Variants in RARB observed in about 807,000 individuals in gnomAD.
RARB encodes the protein retinoic acid receptor beta.
A neutral mutation model predicts 51.9 loss-of-function variants in RARB; 17 were observed. That is an observed-to-expected ratio of 0.33 (90% CI 0.22 to 0.49). RARB has a LOEUF of 0.49. RARB is among the 20% of genes least tolerant of loss of function. RARB has a pLI of 0.99. For synonymous variants in RARB, 215 were observed against 195.4 expected, an observed-to-expected ratio of 1.10 and a Z score of -0.84; for missense variants, 369 against 550.8, an observed-to-expected ratio of 0.67 and a Z score of 3.30.
intron 5 of RARB, among the ~76,000 whole-genome samples, chr3:25,421,252 C>T (rs77188631): frequency 0.045 from 6,899 of 152,028 alleles, 503 homozygotes; most frequent in African/African-American, 0.16. Context: ...CCTACCCCCT[C>T]CACCTGCAGC....
At chr3:25,213,800 A>G (rs1701754839) in intron 5 of RARB, among the ~76,000 whole-genome samples, 1 of 152,204 alleles carries the variant, frequency 6.6e-6, no homozygotes, top group Admixed American at 6.5e-5. Flanking sequence ...CCTATTTAAA[A>G]TGGCAAGGGA....
At chr3:24,925,963 C>T (rs546468265) in intron 2 of RARB, among the ~76,000 whole-genome samples, 23 of 152,188 alleles carry the variant, frequency 1.5e-4, no homozygotes, top group Admixed American at 9.8e-4. Flanking sequence ...TGTCTGCTAT[C>T]TCAAGGAACG....
intron 3 of RARB, among the ~76,000 whole-genome samples, chr3:25,077,707 A>T (rs1698898634): frequency 6.6e-6 from 1 of 151,758 alleles, no homozygotes; most frequent in African/African-American, 2.4e-5. Flanking sequence ...TGGATCACAG[A>T]GTGTGTGTGT....
In RARB at chr3:25,246,916, C is replaced by T. The variant is rs528662702; in HGVS notation, c.178+72341C>T. Among the ~76,000 whole-genome samples, 7 of 152,302 alleles carry T rather than the reference C, an allele frequency of 4.6e-5. 1 individual carries two copies. Among genetic ancestry groups the T allele is most frequent in the African/African-American group, 1.7e-4 (7 of 41,574 alleles). On this transcript the variant is annotated intron_variant, in intron 5 of 11. Coordinates refer to the RARB transcript ENST00000383772. ...AACGTTTAAGTCTGCTGGAGCTGCA[C>T]CCACAGCTGCCCCTTCCCTCAGGTG... is the stretch of plus-strand genomic sequence containing the variant.
rs190992276 is a variant in RARB at position 24,958,898 on chromosome 3, A to G, written c.-380+100146A>G. On this transcript the variant is annotated intron_variant, in intron 2 of 11. Coordinates refer to the RARB transcript ENST00000383772. ...CTGACTCCTTCATGGGCCTCATGACAGGAGTGCCTTGCTTACTCAGCCCGC... is the reference window on the plus strand; with the variant it reads ...CTGACTCCTTCATGGGCCTCATGACGGGAGTGCCTTGCTTACTCAGCCCGC... 3.7e-4 allele frequency among the ~76,000 whole-genome samples: 57 copies of G among 152,322 alleles called. No individual in the cohort carries two copies. In the East Asian group the frequency reaches 0.011, roughly 28 times the overall value.
At chr3:25,366,555 A>G (rs1303852752) in intron 5 of RARB, among the ~76,000 whole-genome samples, 1 of 152,230 alleles carries the variant, frequency 6.6e-6, no homozygotes, top group Non-Finnish European at 1.5e-5. Flanking sequence ...AACTTTGAAA[A>G]TGAGAGTTGG....
At chr3:25,156,197 A>C (rs999355677) in intron 4 of RARB, among the ~76,000 whole-genome samples, 14 of 152,232 alleles carry the variant, frequency 9.2e-5, no homozygotes, top group Non-Finnish European at 1.8e-4. Context: ...TAACTTTAGC[A>C]GGAATGAATG....
intron 5 of RARB, among the ~76,000 whole-genome samples, chr3:25,269,121 C>T (rs113465752): frequency 1.8e-4 from 28 of 152,084 alleles, no homozygotes; most frequent in African/African-American, 6.5e-4. Flanking sequence ...TGGCATGGTA[C>T]AGTAGAATAT....
chr3:25,430,783 G>A lies in RARB; in HGVS notation c.157+1895G>A, dbSNP rs1381205738. On this transcript the variant is annotated intron_variant, in intron 1 of 7. Transcript: ENST00000330688. The stretch of plus-strand genomic sequence containing the variant: ...ACAAAGGGATTTCAGAAATTCCAGT[G>A]TCTTATTTTTGTAAGCAGGGCAATT... Among the ~76,000 whole-genome samples the A allele has an allele frequency of 6.6e-6, 1 of 152,134 alleles. No individual in the cohort carries two copies. Among genetic ancestry groups the A allele is most frequent in the Non-Finnish European group, 1.5e-5 (1 of 68,014 alleles).
intron 3 of RARB, among the ~76,000 whole-genome samples, chr3:25,566,204 T>C (rs939742976): frequency 4.6e-5 from 7 of 152,152 alleles, no homozygotes; most frequent in Non-Finnish European, 8.8e-5. Context: ...TTAAAACCAT[T>C]GAGGGAAGCA....
At chr3:25,197,959 G>T (rs1373174172) in intron 5 of RARB, among the ~76,000 whole-genome samples, 2 of 151,922 alleles carry the variant, frequency 1.3e-5, no homozygotes, top group African/African-American at 4.8e-5. Context: ...GACCACAAAA[G>T]ACCCAGAATA....
In RARB at chr3:24,946,335, T is replaced by A. The variant is rs898590069; in HGVS notation, c.-380+87583T>A. Among the ~76,000 whole-genome samples, 38 of 106,836 alleles carry A rather than the reference T, an allele frequency of 3.6e-4. 1 individual carries two copies. Among genetic ancestry groups the A allele is most frequent in the Admixed American group, 2.3e-3 (28 of 11,988 alleles). 70.1% of individuals were successfully genotyped at this position (106,836 alleles called of 152,430 possible). A position where few individuals can be genotyped will look rare whatever the true frequency, so the allele number is the denominator to read the frequency against. On this transcript the variant is annotated intron_variant, in intron 2 of 11. Transcript: ENST00000383772. ...GGACAAATACAGTATTTTTCCAGAGTTGAGTTAATTTTTTTGAAACCCGAG... is the reference window on the plus strand; with the variant it reads ...GGACAAATACAGTATTTTTCCAGAGATGAGTTAATTTTTTTGAAACCCGAG...
At chr3:25,517,643 G>A (rs1004003382) in intron 3 of RARB, among the ~76,000 whole-genome samples, 3 of 152,040 alleles carry the variant, frequency 2.0e-5, no homozygotes, top group African/African-American at 7.2e-5. Flanking sequence ...TTACTCCTAA[G>A]TATATACTCA....
At chr3:25,311,319 C>T (rs1415706419) in intron 5 of RARB, among the ~76,000 whole-genome samples, 1 of 152,166 alleles carries the variant, frequency 6.6e-6, no homozygotes, top group Non-Finnish European at 1.5e-5. Flanking sequence ...CTGAACCGCC[C>T]TGTGTGGACA....
chr3:25,356,774 C>G (rs1223255817), intron 5 of RARB, among the ~76,000 whole-genome samples: 2 of 152,110 alleles, frequency 1.3e-5, no homozygotes, highest in African/African-American at 4.8e-5. Context: ...GTTTGGTTTT[C>G]TGTTCCTGTG....
At chr3:25,523,487 A>G (rs1179966264) in intron 3 of RARB, among the ~76,000 whole-genome samples, 1 of 152,214 alleles carries the variant, frequency 6.6e-6, no homozygotes, top group Non-Finnish European at 1.5e-5. Context: ...TGATTTGGCA[A>G]CATCAATGGC....
intron 5 of RARB, among the ~76,000 whole-genome samples, chr3:25,325,292 G>A (rs930578466): frequency 1.3e-5 from 2 of 152,126 alleles, no homozygotes; most frequent in Non-Finnish European, 2.9e-5. Context: ...GAGCAGTGAC[G>A]ACAACCAGAG....
At chr3:25,129,598 A>T (rs913267122) in intron 3 of RARB, among the ~76,000 whole-genome samples, 3 of 152,128 alleles carry the variant, frequency 2.0e-5, no homozygotes, top group Non-Finnish European at 4.4e-5. Context: ...TATCTTCAAT[A>T]AGCATAAAAT....
chr3:24,982,907 C>CT (rs1696708279), intron 2 of RARB, among the ~76,000 whole-genome samples: 1 of 152,130 alleles, frequency 6.6e-6, no homozygotes, highest in African/African-American at 2.4e-5. Context: ...TCTTCATGAC[C>CT]TTTAAATGTC....
Sources: allele counts gnomAD v4.1 joint callset (sites outside exome capture counted in the v4.1 genomes callset), GRCh38; gene constraint gnomAD v4.1.1; transcripts MANE v1.5; gene names NCBI Gene and HGNC (gene_info 2026-07-23, HGNC 2026-07-21).